Variants in GLI2 observed in about 807,000 individuals in gnomAD.
GLI2 encodes transcription activator GLI2.
In GLI2, 22 loss-of-function variants were observed where a neutral mutation model predicts 78.9. That is an observed-to-expected ratio of 0.28 (90% CI 0.20 to 0.40). The LOEUF (loss-of-function observed/expected upper bound fraction) is 0.40. Ranked by LOEUF, GLI2 falls within the 10% of genes least tolerant of loss-of-function variation. The pLI is 1.00. For missense variants in GLI2, 2,097 were observed against 2,213.2 expected, an observed-to-expected ratio of 0.95 and a Z score of 1.05; for synonymous variants, 974 against 963.7, an observed-to-expected ratio of 1.01 and a Z score of -0.20.
At chr2:120,818,368 G>A (rs376447228) in intron 2 of GLI2, among the ~76,000 whole-genome samples, 25 of 152,346 alleles carry the variant, frequency 1.6e-4, no homozygotes, top group African/African-American at 5.5e-4. Context: ...GAGTGTGGAC[G>A]TGCCAGTGGC....
At chr2:120,842,730 C>G (rs1686946354) in intron 2 of GLI2, among the ~76,000 whole-genome samples, 1 of 152,204 alleles carries the variant, frequency 6.6e-6, no homozygotes, top group African/African-American at 2.4e-5. Flanking sequence ...TTTTCCTAAG[C>G]CCCTCAGCCA....
intron 2 of GLI2, among the ~76,000 whole-genome samples, chr2:120,895,078 G>A (rs116561060): frequency 2.2e-3 from 336 of 152,286 alleles, no homozygotes; most frequent in African/African-American, 7.0e-3. Flanking sequence ...GGGGCTCCCC[G>A]GTGGAGGCTT....
intron 1 of GLI2, among the ~76,000 whole-genome samples, chr2:120,774,934 C>T (rs545453606): frequency 3.9e-5 from 6 of 152,322 alleles, no homozygotes; most frequent in African/African-American, 1.2e-4. Context: ...GCCCAAAGCC[C>T]GGGCTCCCAT....
chr2:120,746,533 T>C (rs973710892), intron 1 of GLI2, among the ~76,000 whole-genome samples: 1 of 152,240 alleles, frequency 6.6e-6, no homozygotes, highest in Admixed American at 6.5e-5. Flanking sequence ...TCCCTCTTTC[T>C]TCTGCTTCTG....
chr2:120,961,367 A>T (rs1681548326), intron 5 of GLI2, among the ~76,000 whole-genome samples: 1 of 152,072 alleles, frequency 6.6e-6, no homozygotes, highest in Non-Finnish European at 1.5e-5. Context: ...TCCCTTTCCG[A>T]GACAGGAAGG....
In GLI2 at chr2:120,991,264, GAGCTGGCTCTTCTACTCCGTAA is replaced by G. The variant is rs1210376679; in HGVS notation, c.*593_*614del. 6.5e-6 allele frequency: 1 copy of G among 152,936 alleles called. No individual in the cohort carries two copies. The highest frequency in any genetic ancestry group is 1.5e-5 in the Non-Finnish European group (1 of 68,586). The allele number at this position is 152,936 out of a possible 1,614,324, so 9.5% of individuals were successfully genotyped here. On this transcript the variant is annotated 3_prime_UTR_variant, in exon 14 of 14. Coordinates refer to ENST00000361492, the MANE Select transcript of GLI2 (RefSeq NM_001374353.1). ...GCACATTCTGATTCCAGGTTTGGTAGAGCTGGCTCTTCTACTCCGTAAAGCCGAGTCTGGGACTGGCAGCCCA... is the reference window on the plus strand; with the variant it reads ...GCACATTCTGATTCCAGGTTTGGTAGAGCCGAGTCTGGGACTGGCAGCCCA...
intron 2 of GLI2, among the ~76,000 whole-genome samples, chr2:120,839,940 C>T (rs542546062): frequency 6.6e-6 from 1 of 152,292 alleles, no homozygotes; most frequent in South Asian, 2.1e-4. Flanking sequence ...TCTTTGTTTT[C>T]TCTCTTACAG....
intron 8 of GLI2, among the ~76,000 whole-genome samples, chr2:120,973,449 C>T (rs746363499): frequency 5.9e-5 from 9 of 152,342 alleles, no homozygotes; most frequent in African/African-American, 1.7e-4. Context: ...GCTCTGCGCA[C>T]GTGTCAGTGC....
chr2:120,885,785 G>T (rs1157206895), intron 2 of GLI2, among the ~76,000 whole-genome samples: 1 of 152,200 alleles, frequency 6.6e-6, no homozygotes, highest in African/African-American at 2.4e-5. Context: ...GACACAGGAG[G>T]AGGGAGAATC....
At chr2:120,753,746 A>C (rs1008998479) in intron 1 of GLI2, among the ~76,000 whole-genome samples, 1 of 152,000 alleles carries the variant, frequency 6.6e-6, no homozygotes, top group African/African-American at 2.4e-5. Flanking sequence ...AAAATACAAA[A>C]AATTAGCCGG....
chr2:120,822,789 C>G (rs1485097877), intron 2 of GLI2, among the ~76,000 whole-genome samples: 16 of 152,186 alleles, frequency 1.1e-4, no homozygotes, highest in Non-Finnish European at 1.5e-4. Context: ...AAGTAACTCC[C>G]TGGGCTTTTG....
chr2:120,837,052 G>T (rs1686644242), intron 2 of GLI2, among the ~76,000 whole-genome samples: 1 of 152,058 alleles, frequency 6.6e-6, no homozygotes, highest in Non-Finnish European at 1.5e-5. Flanking sequence ...CTTTTTACTG[G>T]GTTGCTGTGT....
At chr2:120,941,544 T>C (rs1389990599) in intron 3 of GLI2, among the ~76,000 whole-genome samples, 2 of 152,204 alleles carry the variant, frequency 1.3e-5, no homozygotes, top group Non-Finnish European at 2.9e-5. Context: ...ATGCACGCCC[T>C]GTCCTGGCAG....
chr2:120,858,301 C>T (rs957078402), intron 2 of GLI2, among the ~76,000 whole-genome samples: 1 of 152,180 alleles, frequency 6.6e-6, no homozygotes, highest in Non-Finnish European at 1.5e-5. Flanking sequence ...CAATTAAATG[C>T]ACATGTAAGT....
chr2:120,861,049 A>G (rs1687878754), intron 2 of GLI2, among the ~76,000 whole-genome samples: 1 of 152,154 alleles, frequency 6.6e-6, no homozygotes, highest in Non-Finnish European at 1.5e-5. Flanking sequence ...GAAGCCCTAG[A>G]TGCCCACCCT....
chr2:120,902,558 A>G (rs916886958), intron 2 of GLI2, among the ~76,000 whole-genome samples: 33 of 152,306 alleles, frequency 2.2e-4, no homozygotes, highest in African/African-American at 7.5e-4. Flanking sequence ...TGGTGTGCTC[A>G]TGGGGGTGTC....
chr2:120,778,858 G>A (rs941323417), intron 1 of GLI2, among the ~76,000 whole-genome samples: 1 of 152,222 alleles, frequency 6.6e-6, no homozygotes, highest in Admixed American at 6.5e-5. Context: ...GCCAGTGGAA[G>A]TGCTGGGTTG....
At chr2:120,778,323 G>T (rs1342509737) in intron 1 of GLI2, among the ~76,000 whole-genome samples, 1 of 152,088 alleles carries the variant, frequency 6.6e-6, no homozygotes, top group Non-Finnish European at 1.5e-5. Flanking sequence ...CTCAGAACTC[G>T]ACGTTAGCTC....
At chr2:120,780,661 A>G (rs1683817191) in intron 1 of GLI2, among the ~76,000 whole-genome samples, 1 of 152,224 alleles carries the variant, frequency 6.6e-6, no homozygotes. Context: ...ACTACACTAC[A>G]GACACAGCAG....
Sources: gnomAD v4.1 joint callset for allele counts (sites outside exome capture counted in the v4.1 genomes callset) on GRCh38, gnomAD v4.1.1 for gene constraint, MANE v1.5 for transcripts, NCBI Gene and HGNC (gene_info 2026-07-23, HGNC 2026-07-21) for gene names.